Variants in C19orf47 observed in about 807,000 individuals in gnomAD.
C19orf47 encodes the protein uncharacterized protein C19orf47.
A neutral mutation model predicts 32.3 loss-of-function variants in C19orf47; 18 were observed. The observed-to-expected ratio is 0.56, with a 90% CI of 0.39 to 0.83. C19orf47 has a LOEUF of 0.83. Ranked by LOEUF, C19orf47 falls within the 40% of genes least tolerant of loss-of-function variation. C19orf47 has a pLI of 0.00. For synonymous variants in C19orf47, 202 were observed against 211.1 expected (o/e 0.96, Z 0.37); for missense variants, 484 against 531.6 (o/e 0.91, Z 0.88).
chr19:40,300,178 G>A, the C19orf47 span, among the ~76,000 whole-genome samples: 1 of 151,956 alleles, frequency 6.6e-6, no homozygotes, highest in Admixed American at 6.6e-5. Flanking sequence ...TTTTAAATAA[G>A]TTATATGGCC....
Position 40,338,348 on chromosome 19 carries a change from T to TAC in C19orf47, c.20-1943_20-1942dup, listed in dbSNP as rs10584231. ...ATATATATATACACAAATATATATA[T>TAC]ACACACACACACACAAATACATATA... is the stretch of plus-strand genomic sequence containing the variant. On this transcript the variant is annotated intron_variant, in intron 2 of 8. Coordinates refer to ENST00000683109, the MANE Select transcript of C19orf47 (RefSeq NM_001256441.2). Among the ~76,000 whole-genome samples, 1,086 of 147,288 alleles carry TAC rather than the reference T, an allele frequency of 7.4e-3. 11 individuals are homozygous for TAC. Among genetic ancestry groups the TAC allele is most frequent in the South Asian group, 0.016 (74 of 4,690 alleles).
At chr19:40,300,174 A>G in the C19orf47 span, among the ~76,000 whole-genome samples, 5 of 152,120 alleles carry the variant, frequency 3.3e-5, no homozygotes, top group Admixed American at 1.3e-4. Flanking sequence ...ATTTTTTTAA[A>G]TAAGTTATAT....
At chr19:40,317,771 G>A (rs2077673017), downstream of C19orf47, among the ~76,000 whole-genome samples, 1 of 150,562 alleles carries the variant, frequency 6.6e-6, no homozygotes, top group African/African-American at 2.5e-5. Flanking sequence ...CCAGGCTGGA[G>A]TGTAGTGGTA....
the C19orf47 span, among the ~76,000 whole-genome samples, chr19:40,302,353 C>G: frequency 6.6e-6 from 1 of 152,098 alleles, no homozygotes; most frequent in Non-Finnish European, 1.5e-5. Flanking sequence ...CAGCCTCCAC[C>G]CCCCAGGCTC....
chr19:40,297,031 G>A, the C19orf47 span, among the ~76,000 whole-genome samples: 2 of 152,186 alleles, frequency 1.3e-5, no homozygotes, highest in East Asian at 3.8e-4. Flanking sequence ...GGAGATGACT[G>A]TATGCCTAAA....
chr19:40,337,289 A>ATTATTATTG (rs1421398947), intron 2 of C19orf47, among the ~76,000 whole-genome samples: 1 of 13,008 alleles, frequency 7.7e-5, no homozygotes, highest in East Asian at 1.8e-3. Context: ...CATGACAGCA[A>ATTATTATTG]TTATTATTAT....
At chr19:40,336,659 G>A (rs1367574906) in intron 2 of C19orf47, among the ~76,000 whole-genome samples, 1 of 152,152 alleles carries the variant, frequency 6.6e-6, no homozygotes, top group Non-Finnish European at 1.5e-5. Context: ...AAGCCACAAT[G>A]CTAAACAAGG....
rs753412216 is a variant in C19orf47 at position 40,336,351 on chromosome 19, C to T, written c.76G>A (p.Val26Ile). The T allele has an allele frequency of 6.2e-6, 10 of 1,614,050 alleles. No homozygotes were observed. Among genetic ancestry groups the T allele is most frequent in the Admixed American group, 5.0e-5 (3 of 59,992 alleles). The change falls in exon 3 of 9, where the codon GTC becomes ATC. Residue 26 changes from valine to isoleucine, a missense_variant. This residue lies in a region of C19orf47 where 57 missense variants were observed against 86.9 expected (regional missense o/e 0.66). Transcript: ENST00000683109. ...KEAGIPPGPAVNYAVMFVDNR... is the reference protein window; with the variant it reads ...KEAGIPPGPAINYAVMFVDNR... ...TCCACAAACATCACGGCATAATTGA[C>T]GGCAGGTCCTGGAGGAATGCCGGCT...
chr19:40,321,650 A>T lies in C19orf47; in HGVS notation c.*232T>A. On this transcript the variant is annotated 3_prime_UTR_variant, in exon 9 of 9. Transcript: ENST00000683109. ...CAAGGCCACAGCCAGAGAAGAAAGC[A>T]CAGAGGACATGAGAGAAGGGGAGTC... 1 of 1,355,710 alleles carries T rather than the reference A, an allele frequency of 7.4e-7. No homozygotes were observed. The highest frequency in any genetic ancestry group is 9.4e-7 in the Non-Finnish European group (1 of 1,059,106). The allele number at this position is 1,355,710 out of a possible 1,614,324, so 84.0% of individuals were successfully genotyped here.
chr19:40,307,784 T>C, the C19orf47 span, among the ~76,000 whole-genome samples: 2 of 152,122 alleles, frequency 1.3e-5, no homozygotes, highest in African/African-American at 2.4e-5. Flanking sequence ...TACTCTCATC[T>C]TGGTTTTTTT....
chr19:40,324,987 G>A (rs981646169), intron 7 of C19orf47, among the ~76,000 whole-genome samples: 3 of 150,984 alleles, frequency 2.0e-5, no homozygotes, highest in Non-Finnish European at 4.4e-5. Context: ...AGAAAAGTTA[G>A]GTCCAGGCAT....
At chr19:40,325,727 T>C (rs1179376611) in intron 7 of C19orf47, among the ~76,000 whole-genome samples, 7 of 152,194 alleles carry the variant, frequency 4.6e-5, no homozygotes, top group African/African-American at 1.7e-4. Flanking sequence ...GAGACGGGGA[T>C]ATGGGAGTGA....
chr19:40,306,554 C>G, the C19orf47 span, among the ~76,000 whole-genome samples: 3 of 151,712 alleles, frequency 2.0e-5, no homozygotes, highest in Non-Finnish European at 4.4e-5. Context: ...AGGCACCCAC[C>G]ATCACGCCCA....
At chr19:40,307,364 G>A in the C19orf47 span, among the ~76,000 whole-genome samples, 2 of 152,094 alleles carry the variant, frequency 1.3e-5, no homozygotes, top group Admixed American at 1.3e-4. Context: ...CAAAGTGCTG[G>A]GATTACAGGC....
At chr19:40,323,791 C>CA (rs2077770525) in intron 8 of C19orf47, among the ~76,000 whole-genome samples, 1 of 152,112 alleles carries the variant, frequency 6.6e-6, no homozygotes, top group Admixed American at 6.6e-5. Flanking sequence ...GGGAGGCATC[C>CA]AGGAGTACTG....
downstream of C19orf47, among the ~76,000 whole-genome samples, chr19:40,315,675 G>A (rs991330677): frequency 2.0e-5 from 3 of 152,008 alleles, no homozygotes; most frequent in African/African-American, 4.8e-5. Flanking sequence ...AGCCACTCAG[G>A]AGGCTGAGGC....
chr19:40,298,029 C>T, the C19orf47 span, among the ~76,000 whole-genome samples: 1 of 147,952 alleles, frequency 6.8e-6, no homozygotes, highest in Non-Finnish European at 1.5e-5. Context: ...GACAGAGTGA[C>T]ACTCTGTCTC....
chr19:40,329,662 G>A (rs1445128760), intron 5 of C19orf47, among the ~76,000 whole-genome samples: 4 of 152,108 alleles, frequency 2.6e-5, no homozygotes, highest in Non-Finnish European at 4.4e-5. Context: ...CTCCCTCTCT[G>A]CAGGAAGAAA....
the C19orf47 span, among the ~76,000 whole-genome samples, chr19:40,307,205 T>G: frequency 7.3e-6 from 1 of 137,062 alleles, no homozygotes; most frequent in East Asian, 2.3e-4. Context: ...AAGTGATTCT[T>G]GTGCCTCAGC....
Sources: gnomAD v4.1 joint callset for allele counts (sites outside exome capture counted in the v4.1 genomes callset) on GRCh38, gnomAD v4.1.1 for gene constraint, gnomAD v4.1.1 regional missense constraint, MANE v1.5 for transcripts, NCBI Gene and HGNC (gene_info 2026-07-23, HGNC 2026-07-21) for gene names.